GNA12: variants seen among roughly 807,000 people sequenced by gnomAD.
GNA12 encodes the protein G protein subunit alpha 12.
Under a neutral mutation model 26.0 loss-of-function variants are expected in GNA12, and 9 were observed. The ratio of observed to expected loss-of-function variants is 0.35; its 90% CI spans 0.21 to 0.60. The LOEUF (loss-of-function observed/expected upper bound fraction) is 0.60, where lower values mean the gene tolerates loss of function less well. Among genes scored for constraint, GNA12 ranks in the 20% least tolerant of loss-of-function variants. The pLI is 0.78. For synonymous variants in GNA12, 264 were observed against 219.6 expected, an observed-to-expected ratio of 1.20 and a Z score of -1.79; for missense variants, 405 against 525.8, an observed-to-expected ratio of 0.77 and a Z score of 2.25.
intron 1 of GNA12, among the ~76,000 whole-genome samples, chr7:2,833,241 A>G (rs1044972963): frequency 3.3e-5 from 5 of 152,228 alleles, no homozygotes; most frequent in African/African-American, 1.2e-4. Flanking sequence ...AGGTGATGCA[A>G]GTTAAGCCCT....
At chr7:2,811,167 C>T (rs111838457) in intron 1 of GNA12, among the ~76,000 whole-genome samples, 7 of 152,184 alleles carry the variant, frequency 4.6e-5, no homozygotes, top group African/African-American at 7.2e-5. Flanking sequence ...GCTGTGCACA[C>T]GTGGGCTCCA....
chr7:2,818,817 G>T (rs1793281636), intron 1 of GNA12, among the ~76,000 whole-genome samples: 1 of 149,280 alleles, frequency 6.7e-6, no homozygotes, highest in African/African-American at 2.4e-5. Context: ...ACTCAAAGTG[G>T]CCTCTCCCAC....
chr7:2,807,736 T>C (rs1792983048), intron 1 of GNA12, among the ~76,000 whole-genome samples: 1 of 152,224 alleles, frequency 6.6e-6, no homozygotes, highest in Non-Finnish European at 1.5e-5. Context: ...AAATTACTAC[T>C]GCAGAAAATA....
chr7:2,763,913 A>T (rs999876940), intron 2 of GNA12, among the ~76,000 whole-genome samples: 5 of 152,150 alleles, frequency 3.3e-5, no homozygotes, highest in African/African-American at 1.2e-4. Context: ...GTTGCTTTAG[A>T]GTCTTGGTTA....
chr7:2,786,810 C>T (rs2283781), intron 2 of GNA12, among the ~76,000 whole-genome samples: 1,600 of 152,328 alleles, frequency 0.011, 31 homozygotes, highest in East Asian at 0.045. Context: ...TTCAAGATGG[C>T]GACTCTGGGC....
intron 1 of GNA12, among the ~76,000 whole-genome samples, chr7:2,840,526 A>T (rs948141707): frequency 6.6e-6 from 1 of 152,228 alleles, no homozygotes; most frequent in Non-Finnish European, 1.5e-5. Context: ...TATCATTCAA[A>T]TGTCCAGTAC....
At chr7:2,832,073 C>A (rs918474696) in intron 1 of GNA12, among the ~76,000 whole-genome samples, 1 of 152,164 alleles carries the variant, frequency 6.6e-6, no homozygotes, top group African/African-American at 2.4e-5. Context: ...TGTTTTGTCA[C>A]AAATTTCTCC....
chr7:2,770,406 T>C (rs1277956597), intron 2 of GNA12, among the ~76,000 whole-genome samples: 1 of 152,160 alleles, frequency 6.6e-6, no homozygotes. Context: ...AATTCTGACA[T>C]AGTTCAGCTA....
intron 2 of GNA12, among the ~76,000 whole-genome samples, chr7:2,748,375 T>C (rs1000321872): frequency 2.0e-5 from 3 of 152,192 alleles, no homozygotes; most frequent in African/African-American, 7.2e-5. Context: ...AACTATCTGA[T>C]CTTTGACAAA....
intron 2 of GNA12, among the ~76,000 whole-genome samples, chr7:2,767,599 C>T (rs1156549997): frequency 6.9e-6 from 1 of 145,076 alleles, no homozygotes; most frequent in Non-Finnish European, 1.6e-5. Context: ...ACAACTGTTT[C>T]CCTGTCTTCT....
At chr7:2,803,676 G>A (rs1361541153) in intron 1 of GNA12, among the ~76,000 whole-genome samples, 1 of 152,168 alleles carries the variant, frequency 6.6e-6, no homozygotes, top group Non-Finnish European at 1.5e-5. Flanking sequence ...TCCAAGCTAA[G>A]CTTCTCAAGA....
chr7:2,789,834 C>A (rs1308384704), intron 2 of GNA12, among the ~76,000 whole-genome samples: 1 of 152,144 alleles, frequency 6.6e-6, no homozygotes, highest in Non-Finnish European at 1.5e-5. Flanking sequence ...ACAGAGGAAG[C>A]CAGGCCAAAA....
intron 1 of GNA12, among the ~76,000 whole-genome samples, chr7:2,804,812 G>A (rs529188082): frequency 1.3e-5 from 2 of 152,036 alleles, no homozygotes; most frequent in Non-Finnish European, 2.9e-5. Flanking sequence ...TAATCCTAGC[G>A]CTTTGGGAAG....
At chr7:2,781,860 T>C (rs762197044) in intron 2 of GNA12, among the ~76,000 whole-genome samples, 15 of 152,000 alleles carry the variant, frequency 9.9e-5, no homozygotes, top group Non-Finnish European at 2.1e-4. Flanking sequence ...AAAACCACAA[T>C]GAGGAAAAGA....
intron 1 of GNA12, among the ~76,000 whole-genome samples, chr7:2,808,063 C>A (rs1375448651): frequency 6.6e-6 from 1 of 152,264 alleles, no homozygotes; most frequent in South Asian, 2.1e-4. Context: ...AGGCATCCAT[C>A]TTCTCTTCTA....
In GNA12 at chr7:2,789,132, C is replaced by CTTTTTTT. The variant is rs71026556; in HGVS notation, c.525+5789_525+5795dup. On this transcript the variant is annotated intron_variant, in intron 2 of 3. Coordinates refer to ENST00000275364, the MANE Select transcript of GNA12 (RefSeq NM_007353.3). ...ACCGTGCCCGGACCCCTTCAGGCAT[C>CTTTTTTT]TTTTTTTTTTTTTTTTTTTTTGAGA... Among the ~76,000 whole-genome samples the CTTTTTTT allele has an allele frequency of 8.7e-3, 637 of 72,818 alleles. 85 individuals carry two copies. Among genetic ancestry groups the CTTTTTTT allele is most frequent in the African/African-American group, 0.028 (561 of 20,064 alleles). The allele number at this position is 72,818 out of a possible 152,430, so 47.8% of individuals were successfully genotyped here.
In GNA12 at chr7:2,763,694, T is replaced by C. The variant is rs144311326; in HGVS notation, c.526-30193A>G. Among the ~76,000 whole-genome samples the C allele has an allele frequency of 7.8e-3, 1,182 of 152,346 alleles. 15 individuals carry two copies. Among genetic ancestry groups the C allele is most frequent in the African/African-American group, 0.027 (1,118 of 41,580 alleles). On this transcript the variant is annotated intron_variant, in intron 2 of 3. Transcript: ENST00000275364. ...GATCCCTGGTAAGAATGAGAAAGCC[T>C]GGGCTTGTCCAGGAAACCAAAGCTT...
chr7:2,739,806 G>A (rs1451765185), intron 2 of GNA12, among the ~76,000 whole-genome samples: 1 of 152,100 alleles, frequency 6.6e-6, no homozygotes, highest in Non-Finnish European at 1.5e-5. Flanking sequence ...CCAAGTAGCT[G>A]GATTACAGGC....
At chr7:2,836,648 G>A (rs1778845772) in intron 1 of GNA12, among the ~76,000 whole-genome samples, 1 of 152,220 alleles carries the variant, frequency 6.6e-6, no homozygotes, top group Non-Finnish European at 1.5e-5. Context: ...AGAAGGCCAG[G>A]TGCGGTGGCC....
Sources: gnomAD v4.1 joint callset for allele counts (sites outside exome capture counted in the v4.1 genomes callset) on GRCh38, gnomAD v4.1.1 for gene constraint, MANE v1.5 for transcripts, NCBI Gene and HGNC (gene_info 2026-07-23, HGNC 2026-07-21) for gene names.